The following HSF2BP variants were observed in gnomAD, a reference collection of about 807,000 sequenced individuals.
HSF2BP encodes the protein heat shock factor 2-binding protein.
A neutral mutation model predicts 35.0 loss-of-function variants in HSF2BP; 35 were observed. The ratio of observed to expected loss-of-function variants is 1.00; its 90% CI spans 0.76 to 1.32. The LOEUF (loss-of-function observed/expected upper bound fraction) is 1.32, where lower values mean the gene tolerates loss of function less well. HSF2BP is among the 40% of genes most tolerant of loss of function. The probability of loss-of-function intolerance (pLI) is 0.00; values close to 1 mark genes in which losing one functional copy is unlikely to be tolerated. For synonymous variants in HSF2BP, 114 were observed against 117.4 expected (o/e 0.97, Z 0.18); for missense variants, 326 against 321.7 (o/e 1.01, Z -0.10).
chr21:43,659,451 G>A lies in HSF2BP; in HGVS notation c.-290C>T, dbSNP rs1210033632. The A allele has an allele frequency of 1.9e-5, 6 of 310,904 alleles. No homozygotes were observed. Among genetic ancestry groups the A allele is most frequent in the Non-Finnish European group, 2.1e-5 (4 of 188,958 alleles). The allele number at this position is 310,904 out of a possible 1,614,324, so 19.3% of individuals were successfully genotyped here. A position where few individuals can be genotyped will look rare whatever the true frequency, so the allele number is the denominator to read the frequency against. On this transcript the variant is annotated 5_prime_UTR_variant, in exon 1 of 9. Transcript: ENST00000291560. This position sits in a 1 kb window ranked among gnomAD's most constrained non-coding sequence, Gnocchi z 4.2. ...CGCCGGCGCCACGTGCACACGGGCT[G>A]GGCCGCTCCGCCAGCTGCCAGGGCC...
intron 8 of HSF2BP, among the ~76,000 whole-genome samples, chr21:43,571,845 G>C (rs780666663): frequency 7.2e-6 from 1 of 139,102 alleles, no homozygotes; most frequent in Non-Finnish European, 1.5e-5. Context: ...ACCCTGACCA[G>C]AGCCCCTTCC....
At chr21:43,656,510 T>C (rs955415769) in intron 3 of HSF2BP, 77 bp downstream of exon 3, 1 of 1,381,626 alleles carries the variant, frequency 7.2e-7, no homozygotes, top group Non-Finnish European at 1.0e-6. Flanking sequence ...AAAATTCGTT[T>C]ACAATTATTT....
At chr21:43,589,841 A>G (rs1256168659) in intron 8 of HSF2BP, among the ~76,000 whole-genome samples, 1 of 152,018 alleles carries the variant, frequency 6.6e-6, no homozygotes, top group Non-Finnish European at 1.5e-5. Context: ...AAAAATAAAA[A>G]CAACAACAAC....
intron 6 of HSF2BP, among the ~76,000 whole-genome samples, chr21:43,619,736 T>C (rs1247676758): frequency 6.6e-6 from 1 of 152,214 alleles, no homozygotes. Context: ...CCACTGTAAG[T>C]ACCTGAAGGG....
At chr21:43,574,757 C>G (rs2081620720) in intron 8 of HSF2BP, among the ~76,000 whole-genome samples, 1 of 152,208 alleles carries the variant, frequency 6.6e-6, no homozygotes, top group Non-Finnish European at 1.5e-5. Context: ...GGGCCGCCCT[C>G]CATGGGGAGC....
intron 3 of HSF2BP, among the ~76,000 whole-genome samples, chr21:43,650,489 G>A (rs1271519711): frequency 3.3e-5 from 5 of 152,076 alleles, no homozygotes. Flanking sequence ...ACAGGCATGA[G>A]CCACCGTGCC....
intron 4 of HSF2BP, 45 bp from the exon 5 acceptor site, chr21:43,633,466 T>C: frequency 6.9e-7 from 1 of 1,450,100 alleles, no homozygotes; most frequent in Non-Finnish European, 9.3e-7. Context: ...GCATTCAACC[T>C]TGATATATCT....
chr21:43,618,953 A>G (rs2082301783), intron 6 of HSF2BP, among the ~76,000 whole-genome samples: 1 of 145,016 alleles, frequency 6.9e-6, no homozygotes, highest in Non-Finnish European at 1.5e-5. Flanking sequence ...TCAAAAAAAG[A>G]AAAAAAAAAA....
intron 7 of HSF2BP, among the ~76,000 whole-genome samples, chr21:43,612,666 A>AAAT: frequency 6.6e-6 from 1 of 151,060 alleles, no homozygotes; most frequent in African/African-American, 2.4e-5. Flanking sequence ...AAAAAAAAAA[A>AAAT]AAAAAAGTGC....
chr21:43,606,331 G>A (rs1406440659), intron 7 of HSF2BP, among the ~76,000 whole-genome samples: 1 of 152,226 alleles, frequency 6.6e-6, no homozygotes, highest in African/African-American at 2.4e-5. Context: ...AAGAAGGATG[G>A]CTGGGCTGAT....
intron 8 of HSF2BP, among the ~76,000 whole-genome samples, chr21:43,577,829 C>A (rs965455517): frequency 2.6e-5 from 4 of 152,206 alleles, no homozygotes; most frequent in African/African-American, 9.6e-5. Context: ...GATCAACTGA[C>A]CTTATGACAA....
At chr21:43,638,223 C>T (rs187486200) in intron 4 of HSF2BP, among the ~76,000 whole-genome samples, 3 of 152,174 alleles carry the variant, frequency 2.0e-5, no homozygotes, top group Non-Finnish European at 4.4e-5. Context: ...ACCAAGAGAC[C>T]AAGGCAGGCG....
intron 6 of HSF2BP, among the ~76,000 whole-genome samples, chr21:43,614,416 G>A (rs139778364): frequency 7.3e-5 from 11 of 151,664 alleles, no homozygotes; most frequent in African/African-American, 2.4e-4. Context: ...AAGAATCACT[G>A]ACAACCACAA....
intron 7 of HSF2BP, among the ~76,000 whole-genome samples, chr21:43,610,483 G>C (rs1204236876): frequency 6.6e-6 from 1 of 151,438 alleles, no homozygotes; most frequent in African/African-American, 2.4e-5. Flanking sequence ...CAGAGTAGCT[G>C]GGACCCCAGT....
intron 7 of HSF2BP, among the ~76,000 whole-genome samples, chr21:43,605,479 CCACACCCACACA>C (rs2082122973): frequency 6.9e-6 from 1 of 145,410 alleles, no homozygotes; most frequent in Non-Finnish European, 1.5e-5. Flanking sequence ...CCCCCACACG[CCACACCCACACA>C]CACACCCACA....
intron 3 of HSF2BP, among the ~76,000 whole-genome samples, chr21:43,649,367 G>A (rs2082752182): frequency 6.6e-6 from 1 of 151,882 alleles, no homozygotes; most frequent in Admixed American, 6.6e-5. Context: ...AGGAAGGCTG[G>A]GGTTGCAGTG....
intron 7 of HSF2BP, among the ~76,000 whole-genome samples, chr21:43,613,494 G>A (rs2082233938): frequency 6.6e-6 from 1 of 152,146 alleles, no homozygotes; most frequent in East Asian, 1.9e-4. Flanking sequence ...CCACCAAGTT[G>A]GTGATAATTT....
At chr21:43,609,101 A>T (rs1307246922) in intron 7 of HSF2BP, among the ~76,000 whole-genome samples, 3 of 152,254 alleles carry the variant, frequency 2.0e-5, no homozygotes, top group Non-Finnish European at 4.4e-5. Context: ...AGAAAGAAAG[A>T]CCACCACCAT....
chr21:43,627,350 C>A (rs149407321), intron 6 of HSF2BP, among the ~76,000 whole-genome samples: 3 of 152,148 alleles, frequency 2.0e-5, no homozygotes, highest in Admixed American at 2.0e-4. Flanking sequence ...CAGCAAAGAG[C>A]TCAGCTTAAG....
Sources: allele counts gnomAD v4.1 joint callset (sites outside exome capture counted in the v4.1 genomes callset), GRCh38; gene constraint gnomAD v4.1.1; non-coding constraint Gnocchi (gnomAD v3.1); transcripts MANE v1.5; gene names NCBI Gene and HGNC (gene_info 2026-07-23, HGNC 2026-07-21).